Variants in ACAD10 observed in about 807,000 individuals in gnomAD.
The protein encoded by ACAD10 is acyl-CoA dehydrogenase family member 10, also known as ACAD-10.
Under a neutral mutation model 116.8 loss-of-function variants are expected in ACAD10, and 112 were observed. That is an observed-to-expected ratio of 0.96 (90% confidence interval 0.82 to 1.12). ACAD10 has a LOEUF of 1.12. Ranked by LOEUF, ACAD10 falls within the 50% of genes most tolerant of loss-of-function variation. The pLI, the probability that ACAD10 is intolerant of heterozygous loss-of-function variation, is 0.00. For synonymous variants in ACAD10, 486 were observed against 510.6 expected, an observed-to-expected ratio of 0.95 and a Z score of 0.65; for missense variants, 1,259 against 1,350.2, an observed-to-expected ratio of 0.93 and a Z score of 1.06.
intron 2 of ACAD10, among the ~76,000 whole-genome samples, chr12:111,697,503 G>A (rs1032189124): frequency 1.3e-5 from 2 of 150,888 alleles, no homozygotes; most frequent in African/African-American, 4.9e-5. Flanking sequence ...TGGTATTACA[G>A]GTGTGTGCCA....
At position 111,727,992 on chromosome 12, in the gene ACAD10, GT is replaced by G. The variant is rs749530509; in HGVS notation, c.1093del (p.Tyr365ThrfsTer27). 34 of 1,613,314 alleles carry G rather than the reference GT, an allele frequency of 2.1e-5. No individual in the cohort carries two copies. The highest frequency in any genetic ancestry group is 2.6e-5 in the Non-Finnish European group (31 of 1,179,764). ...VIGTPFYVME[Y>X]CPGLIYKDPS... is the part of the protein sequence containing the mutation. ...TTGGCACCCCCTTCTATGTGATGGA[GT>G]ACTGCCCAGGTCTCATCTACAAAGA... On this transcript the variant is annotated frameshift_variant, in exon 9 of 21. Transcript: ENST00000313698. LOFTEE classifies it high-confidence loss of function.
At position 111,744,998 on chromosome 12, in the gene ACAD10, C is replaced by T. The variant is rs889189147; in HGVS notation, c.2070C>T (p.Ala690=). ...AGCCAGAGCTGCAGAGTCACCAGGCCTCAGCAGCCAGGTGGAGCCCCTCCC... is the reference window on the plus strand; with the variant it reads ...AGCCAGAGCTGCAGAGTCACCAGGCTTCAGCAGCCAGGTGGAGCCCCTCCC... ...PAEPELQSHQ[A]SAARWSPSPL... is the part of the protein sequence containing the mutation. The change falls in exon 13 of 21, where the codon GCC becomes GCT. Residue 690 remains alanine (A), a synonymous_variant. Coordinates refer to ENST00000313698, the MANE Select transcript of ACAD10 (RefSeq NM_025247.6). 1.9e-6 allele frequency: 3 copies of T among 1,614,016 alleles called. No individual in the cohort carries two copies. Among genetic ancestry groups the T allele is most frequent in the Non-Finnish European group, 1.7e-6 (2 of 1,180,014 alleles).
chr12:111,735,828 ATTTATTTG>A (rs937655472), intron 11 of ACAD10, among the ~76,000 whole-genome samples: 3 of 151,434 alleles, frequency 2.0e-5, no homozygotes, highest in Admixed American at 6.6e-5. Context: ...ATATTTATTT[ATTTATTTG>A]TTTATTTGTT....
chr12:111,731,308 A>AC (rs57761542), intron 10 of ACAD10, among the ~76,000 whole-genome samples: 2,331 of 152,266 alleles, frequency 0.015, 70 homozygotes, highest in African/African-American at 0.053. Flanking sequence ...CTTCCCCCAC[A>AC]CTGCCTTGAA....
At chr12:111,694,333 A>G (rs1173163785) in intron 2 of ACAD10, among the ~76,000 whole-genome samples, 1 of 151,354 alleles carries the variant, frequency 6.6e-6, no homozygotes, top group Non-Finnish European at 1.5e-5. Flanking sequence ...CAGACTGTCC[A>G]CTCCCCCTGC....
At chr12:111,730,108 C>A in intron 10 of ACAD10, 152 bp downstream of exon 10, 3 of 1,143,694 alleles carry the variant, frequency 2.6e-6, no homozygotes, top group Non-Finnish European at 3.6e-6. Context: ...GGTTTCTCAG[C>A]TCTGGCACTG....
chr12:111,729,185 T>A (rs1889316473), intron 9 of ACAD10, among the ~76,000 whole-genome samples: 1 of 152,226 alleles, frequency 6.6e-6, no homozygotes, highest in African/African-American at 2.4e-5. Flanking sequence ...TGTGCTCAGC[T>A]AACCACTGTT....
intron 5 of ACAD10, chr12:111,710,497 ATTT>A (rs34767337): frequency 1.8e-4 from 38 of 211,682 alleles, no homozygotes; most frequent in Middle Eastern, 5.5e-4. Context: ...GTATTGTGAA[ATTT>A]TTTTTTTTTT....
intron 2 of ACAD10, among the ~76,000 whole-genome samples, chr12:111,697,747 T>C (rs1022829701): frequency 6.6e-6 from 1 of 151,384 alleles, no homozygotes; most frequent in African/African-American, 2.4e-5. Context: ...CACCACGCCC[T>C]GCTAATTTTT....
Position 111,750,402 on chromosome 12 carries a change from G to A in ACAD10, c.2817+1057G>A, listed in dbSNP as rs192482148. On this transcript the variant is annotated intron_variant, in intron 18 of 20. Coordinates refer to ENST00000313698, the MANE Select transcript of ACAD10 (RefSeq NM_025247.6). ...CCCAATGTGCTGGGATTACCGGCGT[G>A]AGCCACCGTGCCTGGCCAAAAAGAA... Among the ~76,000 whole-genome samples the A allele has an allele frequency of 2.7e-3, 418 of 152,146 alleles. 1 individual carries two copies. Among genetic ancestry groups the A allele is most frequent in the African/African-American group, 8.3e-3 (343 of 41,496 alleles).
intron 3 of ACAD10, among the ~76,000 whole-genome samples, chr12:111,703,933 A>G (rs914334129): frequency 6.6e-6 from 1 of 150,550 alleles, no homozygotes; most frequent in Non-Finnish European, 1.5e-5. Context: ...ATAAACATAT[A>G]TGTGTATATG....
intron 12 of ACAD10, among the ~76,000 whole-genome samples, chr12:111,738,744 A>G (rs988382239): frequency 2.0e-5 from 3 of 151,680 alleles, no homozygotes; most frequent in Admixed American, 6.6e-5. Context: ...GCGGGCGCCT[A>G]AAATCCCAGC....
At chr12:111,723,088 C>T (rs1410362742) in intron 8 of ACAD10, among the ~76,000 whole-genome samples, 29 of 133,532 alleles carry the variant, frequency 2.2e-4, no homozygotes, top group African/African-American at 5.1e-4. Context: ...CCAGTAGGGG[C>T]GGCCGGGCAG....
intron 14 of ACAD10, 83 bp downstream of exon 14, chr12:111,746,367 C>G: frequency 1.4e-6 from 2 of 1,420,062 alleles, no homozygotes; most frequent in Non-Finnish European, 1.9e-6. Flanking sequence ...AAACCAGATT[C>G]AGAAGCACTG....
intron 12 of ACAD10, among the ~76,000 whole-genome samples, chr12:111,742,698 T>C (rs1889777793): frequency 6.6e-6 from 1 of 152,098 alleles, no homozygotes; most frequent in African/African-American, 2.4e-5. Flanking sequence ...CATCTCTTAT[T>C]TAAAAATAAA....
chr12:111,725,542 C>CTT (rs893149105), intron 8 of ACAD10, among the ~76,000 whole-genome samples: 1 of 143,910 alleles, frequency 6.9e-6, no homozygotes. Flanking sequence ...TCTTCTTCTT[C>CTT]TTTTTTTTTT....
At chr12:111,687,050 G>A (rs1194043523) in intron 1 of ACAD10, among the ~76,000 whole-genome samples, 1 of 152,192 alleles carries the variant, frequency 6.6e-6, no homozygotes, top group African/African-American at 2.4e-5. Flanking sequence ...TTTCCAGTAT[G>A]TCAGAGTGGC....
chr12:111,723,574 G>A (rs1233933278), intron 8 of ACAD10, among the ~76,000 whole-genome samples: 19 of 141,602 alleles, frequency 1.3e-4, no homozygotes, highest in African/African-American at 4.7e-4. Context: ...TCCCGGACGG[G>A]GTGGCTGGCC....
At chr12:111,744,437 A>G in intron 12 of ACAD10, 2 of 624,230 alleles carry the variant, frequency 3.2e-6, no homozygotes, top group South Asian at 4.5e-5. Context: ...TCTAAGACTC[A>G]GTTTTCTTGC....
Sources: allele counts gnomAD v4.1 joint callset (sites outside exome capture counted in the v4.1 genomes callset), GRCh38; gene constraint gnomAD v4.1.1; transcripts MANE v1.5; gene names NCBI Gene and HGNC (gene_info 2026-07-23, HGNC 2026-07-21).